Variants in PPIE observed in about 807,000 individuals in gnomAD.
The protein encoded by PPIE is peptidyl-prolyl cis-trans isomerase E.
Under a neutral mutation model 38.4 loss-of-function variants are expected in PPIE, and 20 were observed. That is an observed-to-expected ratio of 0.52 (90% CI 0.37 to 0.76). The LOEUF (loss-of-function observed/expected upper bound fraction) is 0.76, where lower values mean the gene tolerates loss of function less well. Ranked by LOEUF, PPIE falls within the 30% of genes least tolerant of loss-of-function variation. The probability of loss-of-function intolerance (pLI) is 0.00; values close to 1 mark genes in which losing one functional copy is unlikely to be tolerated. For missense variants in PPIE, 322 were observed against 385.8 expected, an observed-to-expected ratio of 0.83 and a Z score of 1.39; for synonymous variants, 142 against 135.7, an observed-to-expected ratio of 1.05 and a Z score of -0.32.
intron 7 of PPIE, chr1:39,745,779 A>G: frequency 3.4e-6 from 1 of 298,416 alleles, no homozygotes; most frequent in East Asian, 6.1e-5. Context: ...TTCCAATAAT[A>G]TTTAAGACAA....
downstream of PPIE, chr1:39,761,294 C>G (rs902315538): frequency 1.3e-5 from 2 of 152,816 alleles, no homozygotes; most frequent in Non-Finnish European, 2.9e-5. Context: ...CCTCCCTTCC[C>G]TGGGAGCAGC....
intron 1 of PPIE, chr1:39,739,401 T>C (rs563043332): frequency 6.3e-6 from 1 of 158,928 alleles, no homozygotes; most frequent in South Asian, 2.0e-4. Flanking sequence ...ATCCTCTCGT[T>C]CATTTGTTTT....
Position 39,743,249 on chromosome 1 carries a change from G to A in PPIE, c.235G>A (p.Val79Ile). ...ESELFGRTIR[V>I]NLAKPMRIKE... The stretch of plus-strand genomic sequence containing the variant: ...TGAGCTTTTTGGACGTACAATTCGT[G>A]TCAATTTGGCCAAACCAATGAGAAT... Residue 79 changes from valine to isoleucine, a missense_variant, in exon 5 of 10, where the codon GTC becomes ATC. Transcript: ENST00000324379. 1.2e-6 allele frequency: 2 copies of A among 1,614,174 alleles called. No homozygotes were observed. Among genetic ancestry groups the A allele is most frequent in the Non-Finnish European group, 1.7e-6 (2 of 1,180,014 alleles).
chr1:39,752,208 C>G (rs1346765361), intron 8 of PPIE, among the ~76,000 whole-genome samples: 1 of 152,170 alleles, frequency 6.6e-6, no homozygotes, highest in East Asian at 1.9e-4. Context: ...TCAGCGGTAT[C>G]TCTGAGTTAA....
At chr1:39,747,075 C>G (rs1162153775) in intron 7 of PPIE, 1 of 152,148 alleles carries the variant, frequency 6.6e-6, no homozygotes, top group Non-Finnish European at 1.5e-5. Context: ...TTTTCCACGC[C>G]TTGTTGATTT....
chr1:39,746,939 G>A (rs1404725217), intron 7 of PPIE: 1 of 152,058 alleles, frequency 6.6e-6, no homozygotes, highest in African/African-American at 2.4e-5. Flanking sequence ...ACTTATTAAA[G>A]GTACCTATTA....
At chr1:39,744,976 C>A (rs1284800793) in intron 6 of PPIE, among the ~76,000 whole-genome samples, 1 of 152,182 alleles carries the variant, frequency 6.6e-6, no homozygotes, top group East Asian at 1.9e-4. Flanking sequence ...CGAGGTGGTA[C>A]ATGGATGGGT....
At chr1:39,751,908 G>T (rs566728603) in intron 8 of PPIE, among the ~76,000 whole-genome samples, 66 of 152,012 alleles carry the variant, frequency 4.3e-4, no homozygotes, top group Non-Finnish European at 7.5e-4. Flanking sequence ...GACCAGCCTG[G>T]GCAACATAGT....
chr1:39,748,842 T>C (rs1647389375), intron 7 of PPIE, 61 bp from the exon 8 acceptor site: 12 of 1,508,910 alleles, frequency 8.0e-6, no homozygotes, highest in South Asian at 1.2e-5. Flanking sequence ...CAAAGTTTTT[T>C]CGAGGTTTTT....
At chr1:39,763,544 A>G in intron 9 of PPIE, 1 of 1,119,986 alleles carries the variant, frequency 8.9e-7, no homozygotes, top group South Asian at 1.7e-5. Flanking sequence ...CTGAACAAAA[A>G]AAAAACCCTT....
At chr1:39,746,907 T>C (rs1647226911) in intron 7 of PPIE, 1 of 152,260 alleles carries the variant, frequency 6.6e-6, no homozygotes. Context: ...TTCGAAATTT[T>C]TGAATCATCC....
At chr1:39,746,808 G>C (rs1037664109) in intron 7 of PPIE, 3 of 152,116 alleles carry the variant, frequency 2.0e-5, no homozygotes, top group African/African-American at 7.2e-5. Flanking sequence ...CAGAAATTTT[G>C]TTGCTGTTGT....
At chr1:39,760,599 T>G, downstream of PPIE, 1 of 1,606,952 alleles carries the variant, frequency 6.2e-7, no homozygotes, top group Non-Finnish European at 8.5e-7. Flanking sequence ...GGCAGGGGCA[T>G]GAGCCCAGTG....
intron 7 of PPIE, chr1:39,745,877 A>G (rs1174944246): frequency 1.8e-5 from 3 of 164,442 alleles, no homozygotes; most frequent in Non-Finnish European, 4.0e-5. Context: ...TTTGTAATTT[A>G]TTAAATATTG....
chr1:39,743,914 A>C lies in PPIE; in HGVS notation c.374A>C (p.Glu125Ala), dbSNP rs200484350. The C allele has an allele frequency of 2.3e-4, 363 of 1,611,570 alleles. No individual in the cohort carries two copies. Among genetic ancestry groups the C allele is most frequent in the South Asian group, 8.0e-4 (73 of 91,032 alleles). ...EEEGSEPPKA[E>A]TQEGEPIAKK... ...GAAGGGTCAGAGCCTCCCAAAGCAG[A>C]GACCCAGGAGGTGAGAATGAAGCTC... The change falls in exon 6 of 10, where the codon GAG becomes GCG. Residue 125 changes from glutamate to alanine, a missense_variant. Coordinates refer to ENST00000324379, the MANE Select transcript of PPIE (RefSeq NM_006112.4).
intron 9 of PPIE, chr1:39,762,692 A>G (rs1290513633): frequency 6.7e-6 from 10 of 1,481,980 alleles, no homozygotes; most frequent in Non-Finnish European, 9.0e-6. Context: ...CTGTGCACAC[A>G]TATCACGGGC....
downstream of PPIE, chr1:39,760,685 G>A (rs889363004): frequency 3.8e-5 from 50 of 1,309,404 alleles, 2 homozygotes; most frequent in Middle Eastern, 7.8e-4. Context: ...GGCCACATGG[G>A]AGCAGCACAA....
At position 39,745,353 on chromosome 1, in the gene PPIE, T is replaced by G. The variant is rs780298821; in HGVS notation, c.385-22T>G. 2.9e-5 allele frequency: 47 copies of G among 1,613,806 alleles called. 1 individual carries two copies. The South Asian group carries it at 4.1e-4, about 14-fold the overall frequency. ...AGGGCGTCAGGGAGCTCTCTCTAAC[T>G]AGCAATTTCTTCTGCACCTAGGGAG... On this transcript the variant is annotated intron_variant, in intron 6 of 9. Coordinates refer to ENST00000324379, the MANE Select transcript of PPIE (RefSeq NM_006112.4).
chr1:39,752,138 C>T (rs1647797826), intron 8 of PPIE, among the ~76,000 whole-genome samples: 1 of 152,128 alleles, frequency 6.6e-6, no homozygotes, highest in Middle Eastern at 3.2e-3. Flanking sequence ...TTCCTAGGGA[C>T]AGGACACCAA....
Sources: allele counts gnomAD v4.1 joint callset (sites outside exome capture counted in the v4.1 genomes callset), GRCh38; gene constraint gnomAD v4.1.1; transcripts MANE v1.5; gene names NCBI Gene and HGNC (gene_info 2026-07-23, HGNC 2026-07-21).